EHMT1: variants seen among roughly 807,000 people sequenced by gnomAD.
EHMT1 encodes histone-lysine N-methyltransferase EHMT1.
Under a neutral mutation model 147.2 loss-of-function variants are expected in EHMT1, and 15 were observed. The observed-to-expected ratio is 0.10, with a 90% CI of 0.07 to 0.16. The LOEUF (loss-of-function observed/expected upper bound fraction) is 0.16, where lower values mean the gene tolerates loss of function less well. Among genes scored for constraint, EHMT1 ranks in the 10% least tolerant of loss-of-function variants. The pLI, the probability that EHMT1 is intolerant of heterozygous loss-of-function variation, is 1.00. For synonymous variants in EHMT1, 795 were observed against 709.6 expected (o/e 1.12, Z -1.91); for missense variants, 1,587 against 1,772.4 (o/e 0.90, Z 1.88).
chr9:137,699,955 A>G (rs1257251874), intron 1 of EHMT1, among the ~76,000 whole-genome samples: 2 of 152,246 alleles, frequency 1.3e-5, no homozygotes, highest in African/African-American at 2.4e-5. Flanking sequence ...ATTTAGAGGA[A>G]GAGACATACA....
chr9:137,703,869 G>A (rs752411659), intron 1 of EHMT1, among the ~76,000 whole-genome samples: 12 of 152,008 alleles, frequency 7.9e-5, no homozygotes, highest in Admixed American at 2.6e-4. Flanking sequence ...GTATTAGTCT[G>A]TTCTCACACT....
At chr9:137,721,766 C>T (rs1269142018) in intron 3 of EHMT1, among the ~76,000 whole-genome samples, 2 of 152,124 alleles carry the variant, frequency 1.3e-5, no homozygotes, top group Non-Finnish European at 2.9e-5. Context: ...GTTTTGTTAG[C>T]TTTGAGAGTT....
intron 18 of EHMT1, among the ~76,000 whole-genome samples, chr9:137,810,520 ACC>A (rs1489775499): frequency 1.3e-5 from 2 of 152,162 alleles, no homozygotes; most frequent in Non-Finnish European, 2.9e-5. Flanking sequence ...TCTTATGTTT[ACC>A]GTTCATCTTT....
intron 2 of EHMT1, chr9:137,715,573 T>C: frequency 1.0e-6 from 1 of 985,416 alleles, no homozygotes; most frequent in Non-Finnish European, 1.2e-6. Flanking sequence ...CAGGCTTGAC[T>C]GAGCTCCGTG....
At chr9:137,623,751 G>A (rs1261615857) in intron 1 of EHMT1, among the ~76,000 whole-genome samples, 1 of 152,188 alleles carries the variant, frequency 6.6e-6, no homozygotes, top group Non-Finnish European at 1.5e-5. Context: ...CGTGCGCTTA[G>A]TAAGTTTGGC....
At position 137,671,629 on chromosome 9, in the gene EHMT1, A is replaced by G. The variant is rs553205242; in HGVS notation, c.22-39338A>G. ...AACCTCTGCCTCTCGGGCTCAAGCT[A>G]TTCTCCCACCACAGCCTCTCAGGTA... On this transcript the variant is annotated intron_variant, in intron 1 of 26. Transcript: ENST00000460843. Among the ~76,000 whole-genome samples, 39 of 143,568 alleles carry G rather than the reference A, an allele frequency of 2.7e-4. No individual in the cohort carries two copies. The South Asian group carries it at 6.7e-3, about 25-fold the overall frequency. 94.2% of individuals were successfully genotyped at this position (143,568 alleles called of 152,430 possible).
At position 137,782,496 on chromosome 9, in the gene EHMT1, G is replaced by A; in HGVS notation, c.2382+99G>A. The stretch of plus-strand genomic sequence containing the variant: ...CGTTCGCGGTTCTTCCAGTGTAAGA[G>A]TTCCGTAGTGCTGTGAATCGGGCAC... On this transcript the variant is annotated intron_variant, in intron 15 of 26. Coordinates refer to ENST00000460843, the MANE Select transcript of EHMT1 (RefSeq NM_024757.5). The surrounding 1 kb of genome is among the most constrained non-coding windows in gnomAD (Gnocchi z 5.7). 8.8e-7 allele frequency: 1 copy of A among 1,134,728 alleles called. No individual in the cohort carries two copies. The highest frequency in any genetic ancestry group is 1.3e-6 in the Non-Finnish European group (1 of 785,292). The allele number at this position is 1,134,728 out of a possible 1,614,324, so 70.3% of individuals were successfully genotyped here. A position where few individuals can be genotyped will look rare whatever the true frequency, so the allele number is the denominator to read the frequency against.
intron 26 of EHMT1, 109 bp from the exon 27 acceptor site, chr9:137,834,664 C>A: frequency 6.3e-7 from 1 of 1,593,522 alleles, no homozygotes; most frequent in Non-Finnish European, 8.6e-7. Context: ...ACCTGGGATG[C>A]GGCACGGCAG....
intron 1 of EHMT1, among the ~76,000 whole-genome samples, chr9:137,660,094 T>C (rs377199299): frequency 1.3e-5 from 2 of 152,066 alleles, no homozygotes; most frequent in East Asian, 3.9e-4. Flanking sequence ...CCCAGCACTT[T>C]GGGAGGCTGG....
In EHMT1 at chr9:137,647,594, C is replaced by CTT. The variant is rs1365222941; in HGVS notation, c.21+28562_21+28563dup. ...TGTGCCTTCTGGGCTCTGCTCTTGC[C>CTT]TTTTTTTTTTTTTTTTTTGAGATGG... On this transcript the variant is annotated intron_variant, in intron 1 of 26. Coordinates refer to ENST00000460843, the MANE Select transcript of EHMT1 (RefSeq NM_024757.5). 1.4e-3 allele frequency among the ~76,000 whole-genome samples: 187 copies of CTT among 129,598 alleles called. 2 individuals are homozygous for CTT. Among genetic ancestry groups the CTT allele is most frequent in the African/African-American group, 5.1e-3 (173 of 33,598 alleles). 85.0% of individuals were successfully genotyped at this position (129,598 alleles called of 152,430 possible). A position where few individuals can be genotyped will look rare whatever the true frequency, so the allele number is the denominator to read the frequency against.
Position 137,780,969 on chromosome 9 carries a change from C to T in EHMT1, c.2275+1252C>T, listed in dbSNP as rs868263327. On this transcript the variant is annotated intron_variant, in intron 14 of 26. Coordinates refer to ENST00000460843, the MANE Select transcript of EHMT1 (RefSeq NM_024757.5). ...GAGATGTGTGGTGATGACGCTGAGA[C>T]GTGTGGTGATGACGCTGGGATGTGT... Among the ~76,000 whole-genome samples the T allele has an allele frequency of 7.5e-3, 548 of 73,240 alleles. 4 individuals carry two copies. Among genetic ancestry groups the T allele is most frequent in the Admixed American group, 0.011 (62 of 5,580 alleles). 48.0% of individuals were successfully genotyped at this position (73,240 alleles called of 152,430 possible).
At chr9:137,788,727 G>C (rs1952223602) in intron 15 of EHMT1, 1 of 152,236 alleles carries the variant, frequency 6.6e-6, no homozygotes, top group Non-Finnish European at 1.5e-5. Context: ...GCCGTTGGCG[G>C]GGAGTGCTCG....
intron 1 of EHMT1, among the ~76,000 whole-genome samples, chr9:137,677,771 A>T (rs781381944): frequency 2.0e-5 from 3 of 151,802 alleles, no homozygotes; most frequent in Non-Finnish European, 2.9e-5. Flanking sequence ...AAAAAATAGT[A>T]TTGTCAGCCG....
chr9:137,765,774 CT>C (rs1309934727), intron 10 of EHMT1, among the ~76,000 whole-genome samples: 1 of 151,710 alleles, frequency 6.6e-6, no homozygotes, highest in Non-Finnish European at 1.5e-5. Flanking sequence ...GTCAGTTTCA[CT>C]GTTTAGGTTT....
At chr9:137,821,086 C>T (rs117395173) in intron 25 of EHMT1, among the ~76,000 whole-genome samples, 2,316 of 152,308 alleles carry the variant, frequency 0.015, 26 homozygotes, top group South Asian at 0.044. Context: ...ACCATGTTAG[C>T]GGGATGGTCT....
intron 23 of EHMT1, 118 bp from the exon 24 acceptor site, chr9:137,817,321 G>C (rs1277040381): frequency 1.7e-6 from 2 of 1,174,416 alleles, no homozygotes; most frequent in African/African-American, 3.0e-5. Flanking sequence ...GAACGCTTCG[G>C]ATACAGAACC....
chr9:137,826,379 G>A (rs927173056), intron 25 of EHMT1, among the ~76,000 whole-genome samples: 3 of 152,190 alleles, frequency 2.0e-5, no homozygotes, highest in African/African-American at 7.2e-5. Flanking sequence ...GGTCACCCCG[G>A]TCCACTTCCA....
chr9:137,620,585 G>A (rs1842895015), intron 1 of EHMT1, among the ~76,000 whole-genome samples: 1 of 152,036 alleles, frequency 6.6e-6, no homozygotes, highest in Non-Finnish European at 1.5e-5. Context: ...AGAGACCGGG[G>A]TTTCACCATG....
intron 14 of EHMT1, among the ~76,000 whole-genome samples, chr9:137,780,608 G>A (rs1305650269): frequency 1.7e-4 from 20 of 119,786 alleles, no homozygotes; most frequent in South Asian, 6.3e-4. Flanking sequence ...GATGACGCTG[G>A]GATGTGTGGT....
Sources: allele counts gnomAD v4.1 joint callset (sites outside exome capture counted in the v4.1 genomes callset), GRCh38; gene constraint gnomAD v4.1.1; non-coding constraint Gnocchi (gnomAD v3.1); transcripts MANE v1.5; gene names NCBI Gene and HGNC (gene_info 2026-07-23, HGNC 2026-07-21).